Variants in ZNF19 observed in about 807,000 individuals in gnomAD.
ZNF19 encodes zinc finger protein 19.
Under a neutral mutation model 13.1 loss-of-function variants are expected in ZNF19, and 11 were observed. That is an observed-to-expected ratio of 0.84 (90% CI 0.53 to 1.39). ZNF19 has a LOEUF of 1.39. ZNF19 is among the 40% of genes most tolerant of loss of function. The pLI is 0.00. For synonymous variants in ZNF19, 186 were observed against 187.0 expected (o/e 0.99, Z 0.04); for missense variants, 560 against 547.0 (o/e 1.02, Z -0.24).
chr16:71,485,996 CA>C (rs749322870), intron 1 of ZNF19, among the ~76,000 whole-genome samples: 17 of 151,938 alleles, frequency 1.1e-4, no homozygotes, highest in South Asian at 4.1e-4. Context: ...AGTTACATGA[CA>C]AAGGGAAATT....
In ZNF19 at chr16:71,478,315, T is replaced by A; in HGVS notation, c.187A>T (p.Ile63Phe). The A allele has an allele frequency of 6.2e-7, 1 of 1,613,922 alleles. No homozygotes were observed. The highest frequency in any genetic ancestry group is 8.5e-7 in the Non-Finnish European group (1 of 1,179,960). The change falls in exon 5 of 6, where the codon ATC (isoleucine) becomes TTC (phenylalanine). Residue 63 changes from isoleucine to phenylalanine, a missense_variant. Coordinates refer to ENST00000288177, the MANE Select transcript of ZNF19 (RefSeq NM_006961.4). ...LGYPVPKPAL[I>F]SLLERGDMAW... The stretch of plus-strand genomic sequence containing the variant: ...ATGTCCCCTCTCTCCAAAAGTGAGA[T>A]CAGTGCAGGTTTGGGAACTGGGTAC...
Position 71,478,981 on chromosome 16 carries a change from C to T in ZNF19, c.58G>A (p.Ala20Thr). 6.2e-7 allele frequency: 1 copy of T among 1,614,224 alleles called. No individual in the cohort carries two copies. Among genetic ancestry groups the T allele is most frequent in the Non-Finnish European group, 8.5e-7 (1 of 1,180,046 alleles). Residue 20 changes from alanine to threonine, a missense_variant, in exon 4 of 6, where the codon GCT becomes ACT. Coordinates refer to ENST00000288177, the MANE Select transcript of ZNF19 (RefSeq NM_006961.4). ...CATTCTGTCTTGGTGAAGTGCACAG[C>T]CACATCCTCGAAGGTCACCATCTCC... ...YQEMVTFEDV[A>T]VHFTKTEWTG...
chr16:71,482,972 G>A (rs1043796003), intron 2 of ZNF19, among the ~76,000 whole-genome samples: 2 of 152,220 alleles, frequency 1.3e-5, no homozygotes, highest in African/African-American at 4.8e-5. Context: ...CAAAGTGATG[G>A]GATTACAGGC....
At chr16:71,488,061 G>T (rs2043691685) in intron 1 of ZNF19, among the ~76,000 whole-genome samples, 1 of 152,100 alleles carries the variant, frequency 6.6e-6, no homozygotes, top group African/African-American at 2.4e-5. Context: ...GCCAGAAAAA[G>T]AAATAAAAGG....
chr16:71,480,242 C>T (rs929807197), intron 3 of ZNF19, among the ~76,000 whole-genome samples: 2 of 152,132 alleles, frequency 1.3e-5, no homozygotes, highest in African/African-American at 2.4e-5. Flanking sequence ...GGAATACACT[C>T]CGACCTTCCA....
rs1426014195 is a variant in ZNF19, at chr16:71,476,008, T to C, written c.539A>G (p.Gln180Arg). 2 of 1,614,070 alleles carry C rather than the reference T, an allele frequency of 1.2e-6. No individual in the cohort carries two copies. Among genetic ancestry groups the C allele is most frequent in the East Asian group, 2.2e-5 (1 of 44,890 alleles). ...AGGTTTCTCCCCAGTGTGGATTCTC[T>C]GGTGTCTAGCATAGTAAGAAAAGTA... is the stretch of plus-strand genomic sequence containing the variant. ...FSYFSYYARH[Q>R]RIHTGEKPFE... The change falls in exon 6 of 6, where the codon CAG becomes CGG. Residue 180 changes from glutamine to arginine, a missense_variant. Transcript: ENST00000288177.
chr16:71,475,588 T>C lies in ZNF19; in HGVS notation c.959A>G (p.Gln320Arg), dbSNP rs192088020. 75 of 1,614,200 alleles carry C rather than the reference T, an allele frequency of 4.6e-5. 1 individual carries two copies. Among genetic ancestry groups the C allele is most frequent in the South Asian group, 1.8e-4 (16 of 91,074 alleles). Residue 320 changes from glutamine (Q) to arginine (R), a missense_variant, in exon 6 of 6, where the codon CAG (glutamine) becomes CGG (arginine). Transcript: ENST00000288177. ...FGRTSHLSQHQRIHTGEKPYS... is the reference protein window; with the variant it reads ...FGRTSHLSQHRRIHTGEKPYS... The stretch of plus-strand genomic sequence containing the variant: ...AGGCTTTTCCCCTGTGTGAATACGC[T>C]GATGTTGGCTTAGATGGGAAGTCCT...
chr16:71,482,256 G>C, intron 2 of ZNF19, 113 bp from the exon 3 acceptor site: 1 of 866,192 alleles, frequency 1.2e-6, no homozygotes, highest in Non-Finnish European at 1.9e-6. Context: ...TGCTCACTGG[G>C]TTAGTGGTGC....
At chr16:71,484,481 G>A (rs1249428818) in intron 2 of ZNF19, 108 bp downstream of exon 2, 3 of 979,770 alleles carry the variant, frequency 3.1e-6, no homozygotes, top group Non-Finnish European at 3.6e-6. Flanking sequence ...CGGAGGGGCC[G>A]CCCTGTCTCC....
intron 4 of ZNF19, 113 bp from the exon 5 acceptor site, chr16:71,478,454 G>T: frequency 1.3e-6 from 1 of 785,844 alleles, no homozygotes. Flanking sequence ...TTCTCGACTG[G>T]AGAAGGCCAA....
intron 1 of ZNF19, among the ~76,000 whole-genome samples, chr16:71,488,368 A>AAG (rs1555532721): frequency 4.7e-5 from 7 of 149,544 alleles, no homozygotes; most frequent in Admixed American, 4.7e-4. Flanking sequence ...AAAAAAAAAA[A>AAG]AAAAAGAAAA....
At position 71,482,094 on chromosome 16, in the gene ZNF19, T is replaced by G. The variant is rs1176294520; in HGVS notation, c.21A>C (p.Lys7Asn). The stretch of plus-strand genomic sequence containing the variant: ...ATCCACAGCTCACCTGGTATTGAGC[T>G]TTCAGAGGCATGGCTGCCATGACCT... MAAMPL[K>N]AQYQEMVTFE... is the part of the protein sequence containing the mutation. The change falls in exon 3 of 6, where the codon AAA (lysine) becomes AAC (asparagine). Residue 7 changes from lysine to asparagine, a missense_variant. By Grantham distance (94) the Lys-to-Asn change is moderately conservative (BLOSUM62 0). Transcript: ENST00000288177. The G allele has an allele frequency of 6.2e-7, 1 of 1,614,160 alleles. No individual in the cohort carries two copies. Among genetic ancestry groups the G allele is most frequent in the Non-Finnish European group, 8.5e-7 (1 of 1,180,034 alleles).
At position 71,474,973 on chromosome 16, in the gene ZNF19, GC is replaced by G. The variant is rs1665453109; in HGVS notation, c.*196del. 1.5e-6 allele frequency: 1 copy of G among 646,086 alleles called. No homozygotes were observed. Among genetic ancestry groups the G allele is most frequent in the African/African-American group, 1.8e-5 (1 of 54,692 alleles). The allele number at this position is 646,086 out of a possible 1,614,324, so 40.0% of individuals were successfully genotyped here. A position where few individuals can be genotyped will look rare whatever the true frequency, so the allele number is the denominator to read the frequency against. The stretch of plus-strand genomic sequence containing the variant: ...TCAGCATTAAAACCAATGGGGGTGG[GC>G]GGGGGGAGAGTATTTGTTCCTATTA... On this transcript the variant is annotated 3_prime_UTR_variant, in exon 6 of 6. Coordinates refer to ENST00000288177, the MANE Select transcript of ZNF19 (RefSeq NM_006961.4).
intron 3 of ZNF19, 103 bp downstream of exon 3, chr16:71,481,979 T>C (rs879723357): frequency 2.3e-6 from 3 of 1,282,888 alleles, no homozygotes; most frequent in Non-Finnish European, 3.4e-6. Flanking sequence ...AGCAGGGGTT[T>C]TCCTACTGCT....
chr16:71,480,356 C>T (rs1442336817), intron 3 of ZNF19, among the ~76,000 whole-genome samples: 2 of 152,206 alleles, frequency 1.3e-5, no homozygotes, highest in Non-Finnish European at 2.9e-5. Context: ...ACCCCAAACT[C>T]ATCTTCCCCA....
chr16:71,486,294 A>T (rs1240982230), intron 1 of ZNF19, among the ~76,000 whole-genome samples: 1 of 152,026 alleles, frequency 6.6e-6, no homozygotes, highest in Non-Finnish European at 1.5e-5. Context: ...CTGGGAGGTC[A>T]AGGCTGCAGT....
chr16:71,479,394 C>T (rs1320156793), intron 3 of ZNF19, among the ~76,000 whole-genome samples: 1 of 152,202 alleles, frequency 6.6e-6, no homozygotes, highest in Non-Finnish European at 1.5e-5. Flanking sequence ...CAGGACCCAC[C>T]TATTCCTATT....
At chr16:71,486,704 A>T (rs1046758941) in intron 1 of ZNF19, among the ~76,000 whole-genome samples, 6 of 152,170 alleles carry the variant, frequency 3.9e-5, no homozygotes, top group Admixed American at 3.3e-4. Flanking sequence ...AGCAATAGAA[A>T]ATTAATAGAC....
chr16:71,477,993 C>A, intron 5 of ZNF19: 1 of 471,888 alleles, frequency 2.1e-6, no homozygotes, highest in African/African-American at 2.0e-5. Context: ...CCAAGGAGGA[C>A]AACTAAGGTA....
Sources: allele counts gnomAD v4.1 joint callset (sites outside exome capture counted in the v4.1 genomes callset), GRCh38; gene constraint gnomAD v4.1.1; transcripts MANE v1.5; gene names NCBI Gene and HGNC (gene_info 2026-07-23, HGNC 2026-07-21).